The following LSG1 variants were observed in gnomAD, a reference collection of about 807,000 sequenced individuals.
The protein encoded by LSG1 is large subunit GTPase 1 homolog.
In LSG1, 55 loss-of-function variants were observed where a neutral mutation model predicts 82.6. The ratio of observed to expected loss-of-function variants is 0.67; its 90% CI spans 0.54 to 0.83. LSG1 has a LOEUF of 0.83. Ranked by LOEUF, LSG1 falls within the 40% of genes least tolerant of loss-of-function variation. LSG1 has a pLI of 0.00. For missense variants in LSG1, 809 were observed against 807.9 expected (o/e 1.00, Z -0.02); for synonymous variants, 272 against 282.5 (o/e 0.96, Z 0.37).
chr3:194,646,470 A>G, intron 11 of LSG1: 1 of 390,948 alleles, frequency 2.6e-6, no homozygotes, highest in Non-Finnish European at 4.6e-6. Context: ...ACGCTATGAA[A>G]GACAAATTCG....
rs773570539 is a variant in LSG1, at chr3:194,650,916, C to T, written c.1384G>A (p.Asp462Asn). 58 of 1,614,090 alleles carry T rather than the reference C, an allele frequency of 3.6e-5. 1 individual carries two copies. The South Asian group carries it at 6.0e-4, about 17-fold the overall frequency. ...EMTCSGILPI[D>N]QMRDHVPPVS... The stretch of plus-strand genomic sequence containing the variant: ...GGAGGAACATGATCTCTCATCTGAT[C>T]AATTGGGAGGATTCCGCTGCAAGTC... The change falls in exon 10 of 14, where the codon GAT (aspartate) becomes AAT (asparagine). Residue 462 changes from aspartate (D) to asparagine (N), a missense_variant. Physicochemically the swap from Asp to Asn is conservative, Grantham distance 23 (BLOSUM62 1). Transcript: ENST00000265245.
intron 10 of LSG1, 118 bp from the exon 11 acceptor site, chr3:194,648,922 A>T: frequency 1.0e-6 from 1 of 987,880 alleles, no homozygotes; most frequent in Non-Finnish European, 1.5e-6. Flanking sequence ...TCTCCTCTCC[A>T]AAGGAAGAGG....
chr3:194,661,091 C>T (rs1718919667), intron 5 of LSG1, among the ~76,000 whole-genome samples: 1 of 152,144 alleles, frequency 6.6e-6, no homozygotes, highest in South Asian at 2.1e-4. Flanking sequence ...TGCTAAATTC[C>T]AAGGAATTAA....
chr3:194,646,114 T>C, intron 12 of LSG1, 50 bp downstream of exon 12: 1 of 1,545,392 alleles, frequency 6.5e-7, no homozygotes, highest in Non-Finnish European at 8.9e-7. Flanking sequence ...GAACGCAGAA[T>C]GTGGAAAAGA....
intron 7 of LSG1, among the ~76,000 whole-genome samples, chr3:194,657,097 A>G (rs1718806158): frequency 6.6e-6 from 1 of 152,082 alleles, no homozygotes; most frequent in Non-Finnish European, 1.5e-5. Context: ...ATGTATATAT[A>G]CGTAACAAAC....
rs1718895179 is a variant in LSG1, at chr3:194,660,142, C to G, written c.522-9G>C. On this transcript the variant is annotated splice_polypyrimidine_tract_variant and intron_variant, in intron 5 of 13. Transcript: ENST00000265245. ...TCTGGACCACAATATCACTGAAAAA[C>G]AAACACGAGATAGACCAATCACCGT... 2 of 1,612,356 alleles carry G rather than the reference C, an allele frequency of 1.2e-6. No homozygotes were observed. The highest frequency in any genetic ancestry group is 1.3e-5 in the African/African-American group (1 of 74,898).
rs1469877413 is a variant in LSG1, at chr3:194,652,946, T to C, written c.956A>G (p.Gln319Arg). 6.2e-7 allele frequency: 1 copy of C among 1,614,192 alleles called. No individual in the cohort carries two copies. The highest frequency in any genetic ancestry group is 1.1e-5 in the South Asian group (1 of 91,082). The part of the protein sequence containing the change: ...DCPEEEEDDW[Q>R]TCSEEDGPKE... ...GGGACCGTCTTCTTCTGAGCACGTC[T>C]GCCAGTCGTCTTCCTCCTCCTCTGG... Residue 319 changes from glutamine to arginine, a missense_variant, in exon 8 of 14, where the codon CAG becomes CGG. Physicochemically the swap from Gln to Arg is conservative, Grantham distance 43. Transcript: ENST00000265245.
intron 2 of LSG1, among the ~76,000 whole-genome samples, chr3:194,668,814 C>T (rs1472233610): frequency 1.3e-5 from 2 of 152,094 alleles, no homozygotes; most frequent in East Asian, 1.9e-4. Flanking sequence ...TGCCCATCAA[C>T]GTATGAATGG....
At position 194,644,383 on chromosome 3, in the gene LSG1, AAAATAAATAAATAAATAAAT is replaced by A. The variant is rs71179379; in HGVS notation, c.1797+170_1797+189del. Among the ~76,000 whole-genome samples the A allele has an allele frequency of 2.6e-3, 345 of 132,936 alleles. 15 individuals are homozygous for A. The highest frequency in any genetic ancestry group is 3.7e-3 in the Middle Eastern group (1 of 268). The allele number at this position is 132,936 out of a possible 152,430, so 87.2% of individuals were successfully genotyped here. A position where few individuals can be genotyped will look rare whatever the true frequency, so the allele number is the denominator to read the frequency against. ...GACTCCGTCTCAAAAAAAAAAAATA[AAAATAAATAAATAAATAAAT>A]AAATAAATAAATAAATAAATAAGGT... On this transcript the variant is annotated intron_variant, in intron 13 of 13. Transcript: ENST00000265245.
rs1493 is a variant in LSG1, at chr3:194,641,039, C to T, written c.*1029G>A. The T allele has an allele frequency of 0.63, 95,743 of 151,984 alleles. 30,675 individuals are homozygous for T. Among genetic ancestry groups the T allele is most frequent in the Middle Eastern group, 0.72 (213 of 294 alleles). The allele number at this position is 151,984 out of a possible 1,614,324, so 9.4% of individuals were successfully genotyped here. ...ACTGAGCGGGTGGTGCTAAACCGTT[C>T]GTGAGGACTCTGCCCCATAATCCCA... On this transcript the variant is annotated 3_prime_UTR_variant, in exon 14 of 14. Transcript: ENST00000265245.
At chr3:194,658,757 G>A (rs1718858466) in intron 7 of LSG1, among the ~76,000 whole-genome samples, 200 bp downstream of exon 7, 1 of 151,998 alleles carries the variant, frequency 6.6e-6, no homozygotes, top group Non-Finnish European at 1.5e-5. Flanking sequence ...AACAACACTG[G>A]AGAGGTCAGA....
chr3:194,660,956 T>C (rs1312064757), intron 5 of LSG1: 6 of 453,714 alleles, frequency 1.3e-5, no homozygotes, highest in Non-Finnish European at 2.7e-5. Flanking sequence ...TGCTAGATGT[T>C]ATAAAGGCCC....
chr3:194,657,479 A>ATTTTTTTTTT (rs1718818051), intron 7 of LSG1, among the ~76,000 whole-genome samples: 1 of 75,974 alleles, frequency 1.3e-5, no homozygotes. Flanking sequence ...TTTTTTTTTG[A>ATTTTTTTTTT]TATTTGAGGG....
At chr3:194,644,403 T>A (rs60759885) in intron 13 of LSG1, among the ~76,000 whole-genome samples, 170 bp downstream of exon 13, 2,732 of 142,462 alleles carry the variant, frequency 0.019, 142 homozygotes, top group African/African-American at 0.059. Context: ...AATAAATAAA[T>A]AAATAAATAA....
intron 1 of LSG1, among the ~76,000 whole-genome samples, chr3:194,670,604 G>A (rs1230267626): frequency 2.0e-5 from 3 of 152,150 alleles, no homozygotes; most frequent in Non-Finnish European, 2.9e-5. Context: ...ACAGTAAAAT[G>A]GCAATAGAAG....
At chr3:194,660,197 A>C in intron 5 of LSG1, 64 bp from the exon 6 acceptor site, 2 of 1,298,634 alleles carry the variant, frequency 1.5e-6, no homozygotes, top group South Asian at 2.4e-5. Context: ...TAACCACATA[A>C]TAATGGCCAG....
chr3:194,662,471 A>G (rs1366427382), intron 5 of LSG1, among the ~76,000 whole-genome samples: 1 of 152,178 alleles, frequency 6.6e-6, no homozygotes, highest in Non-Finnish European at 1.5e-5. Context: ...TCTTTTTAAA[A>G]ACTGACTGGC....
intron 7 of LSG1, 27 bp downstream of exon 7, chr3:194,658,930 G>A (rs770917948): frequency 7.0e-6 from 11 of 1,566,146 alleles, no homozygotes; most frequent in Non-Finnish European, 8.7e-6. Flanking sequence ...CTCTTTGAAA[G>A]CCAACCTAAA....
Position 194,646,709 on chromosome 3 carries a change from T to C in LSG1, c.1544-466A>G, listed in dbSNP as rs374660112. Among the ~76,000 whole-genome samples, 4 of 152,154 alleles carry C rather than the reference T, an allele frequency of 2.6e-5. No individual in the cohort carries two copies. The East Asian group carries it at 7.7e-4, about 29-fold the overall frequency. On this transcript the variant is annotated intron_variant, in intron 11 of 13. Transcript: ENST00000265245. ...CTACTTTTTGTATTTTTAGTAGAGATGGGGTTTCACCACGTTGTTCAGGCT... is the reference window on the plus strand; with the variant it reads ...CTACTTTTTGTATTTTTAGTAGAGACGGGGTTTCACCACGTTGTTCAGGCT...
Sources: gnomAD v4.1 joint callset for allele counts (sites outside exome capture counted in the v4.1 genomes callset) on GRCh38, gnomAD v4.1.1 for gene constraint, MANE v1.5 for transcripts, NCBI Gene and HGNC (gene_info 2026-07-23, HGNC 2026-07-21) for gene names.